SLC20A2: variants seen among roughly 807,000 people sequenced by gnomAD.
SLC20A2 encodes sodium-dependent phosphate transporter 2.
Under a neutral mutation model 61.0 loss-of-function variants are expected in SLC20A2, and 30 were observed. That is an observed-to-expected ratio of 0.49 (90% CI 0.37 to 0.67). The LOEUF (loss-of-function observed/expected upper bound fraction) is 0.67. Among genes scored for constraint, SLC20A2 ranks in the 30% least tolerant of loss-of-function variants. SLC20A2 has a pLI of 0.00. For synonymous variants in SLC20A2, 351 were observed against 353.3 expected (o/e 0.99, Z 0.07); for missense variants, 626 against 866.4 (o/e 0.72, Z 3.48).
At chr8:42,434,444 T>C (rs1311804339) in intron 8 of SLC20A2, among the ~76,000 whole-genome samples, 1 of 151,926 alleles carries the variant, frequency 6.6e-6, no homozygotes, top group Non-Finnish European at 1.5e-5. Flanking sequence ...CAGGCTGGAG[T>C]GCAGTGGCAT....
intron 6 of SLC20A2, among the ~76,000 whole-genome samples, chr8:42,440,266 T>C (rs533461260): frequency 2.0e-5 from 3 of 152,304 alleles, no homozygotes; most frequent in Admixed American, 6.5e-5. Context: ...CCAGCACTAA[T>C]GTTCTGTAAA....
In SLC20A2 at chr8:42,447,644, T is replaced by C. The variant is rs577870732; in HGVS notation, c.614-2882A>G. Among the ~76,000 whole-genome samples, 8 of 152,250 alleles carry C rather than the reference T, an allele frequency of 5.3e-5. No individual in the cohort carries two copies. The South Asian group carries it at 8.3e-4, about 16-fold the overall frequency. ...GTGAGCCAAGATCACGCCACTGCAC[T>C]CCAGCCTGGGCGACAGAGCGAGATT... On this transcript the variant is annotated intron_variant, in intron 5 of 10. Transcript: ENST00000520262.
intron 1 of SLC20A2, among the ~76,000 whole-genome samples, chr8:42,529,817 T>C (rs1329035443): frequency 6.6e-6 from 1 of 152,228 alleles, no homozygotes; most frequent in Non-Finnish European, 1.5e-5. Flanking sequence ...TCTCCCTGTC[T>C]ATGGGAATGC....
chr8:42,528,466 AAAAAAAGAAAAG>A lies in SLC20A2; in HGVS notation c.-265+13343_-265+13354del, dbSNP rs373577172. ...GACAAAGCGAGACTCCATCTCAAAAAAAAAAAGAAAAGAAAAAAGAATATGCATTTATAAAAC... is the reference window on the plus strand; with the variant it reads ...GACAAAGCGAGACTCCATCTCAAAAAAAAAAAGAATATGCATTTATAAAAC... On this transcript the variant is annotated intron_variant, in intron 1 of 10. Coordinates refer to the SLC20A2 transcript ENST00000342228. Among the ~76,000 whole-genome samples, 250 of 152,238 alleles carry A rather than the reference AAAAAAAGAAAAG, an allele frequency of 1.6e-3. 5 individuals carry two copies. The East Asian group carries it at 0.041, about 25-fold the overall frequency.
intron 1 of SLC20A2, among the ~76,000 whole-genome samples, chr8:42,479,428 T>C (rs28668701): frequency 0.033 from 4,977 of 152,124 alleles, 265 homozygotes; most frequent in African/African-American, 0.11. Context: ...GGGTAACTGT[T>C]ATGTTATCTG....
chr8:42,436,420 C>T (rs1337629848), intron 8 of SLC20A2, among the ~76,000 whole-genome samples: 1 of 152,184 alleles, frequency 6.6e-6, no homozygotes, highest in African/African-American at 2.4e-5. Flanking sequence ...CCGATCTTGG[C>T]AGCTGCCTCT....
intron 1 of SLC20A2, among the ~76,000 whole-genome samples, chr8:42,492,158 C>T (rs1343388115): frequency 1.3e-5 from 2 of 152,160 alleles, no homozygotes; most frequent in Non-Finnish European, 2.9e-5. Context: ...AGTTCGAGAC[C>T]AGCCTGGCCA....
chr8:42,530,372 T>C (rs535021520), intron 1 of SLC20A2, among the ~76,000 whole-genome samples: 1 of 152,286 alleles, frequency 6.6e-6, no homozygotes, highest in East Asian at 1.9e-4. Flanking sequence ...TATACTCAGG[T>C]TGGTATTAAA....
At chr8:42,536,802 A>G (rs2974338) in intron 1 of SLC20A2, among the ~76,000 whole-genome samples, 104,067 of 152,012 alleles carry the variant, frequency 0.68, 36,471 homozygotes, top group African/African-American at 0.84. Flanking sequence ...GGTTGGGCAC[A>G]GTGGTTCACA....
rs2293988 is a variant in SLC20A2, at chr8:42,472,407, C to A, written c.-17G>T. 6 of 1,601,304 alleles carry A rather than the reference C, an allele frequency of 3.7e-6. No homozygotes were observed. Among genetic ancestry groups the A allele is most frequent in the Non-Finnish European group, 5.1e-6 (6 of 1,172,562 alleles). On this transcript the variant is annotated 5_prime_UTR_variant, in exon 2 of 11. Coordinates refer to ENST00000520262, the MANE Select transcript of SLC20A2 (RefSeq NM_001257180.2). The surrounding 1 kb of genome is among the most constrained non-coding windows in gnomAD (Gnocchi z 4.1). ...CATGGCCATTTTGGAAAGTGGGTGC[C>A]GGGTACTTTTCTTTTGCAGGAATAT...
rs1810284902 is a variant in SLC20A2, at chr8:42,501,096, T to C, written c.-330A>G. 6.6e-6 allele frequency: 1 copy of C among 152,170 alleles called. No individual in the cohort carries two copies. Among genetic ancestry groups the C allele is most frequent in the Non-Finnish European group, 1.5e-5 (1 of 68,046 alleles). The allele number at this position is 152,170 out of a possible 1,614,324, so 9.4% of individuals were successfully genotyped here. A position where few individuals can be genotyped will look rare whatever the true frequency, so the allele number is the denominator to read the frequency against. ...ACTGCTCTCCTGATCACAAACACAATCTGAAGTCTAAAATAGATATCCTAC... is the reference window on the plus strand; with the variant it reads ...ACTGCTCTCCTGATCACAAACACAACCTGAAGTCTAAAATAGATATCCTAC... On this transcript the variant is annotated 5_prime_UTR_variant, in exon 1 of 11. Coordinates refer to ENST00000520262, the MANE Select transcript of SLC20A2 (RefSeq NM_001257180.2).
chr8:42,526,364 AAAAAG>A (rs1245684832), intron 1 of SLC20A2, among the ~76,000 whole-genome samples: 10 of 152,270 alleles, frequency 6.6e-5, no homozygotes, highest in African/African-American at 2.4e-4. Context: ...TTAAAAAAAA[AAAAAG>A]AAGTCTTAGA....
chr8:42,456,903 A>G (rs550045324), intron 5 of SLC20A2, among the ~76,000 whole-genome samples: 141 of 151,704 alleles, frequency 9.3e-4, no homozygotes, highest in Non-Finnish European at 1.8e-3. Flanking sequence ...TTTCTCTGTC[A>G]CTCACTTAAA....
intron 1 of SLC20A2, among the ~76,000 whole-genome samples, chr8:42,512,784 T>C (rs1021803757): frequency 6.6e-6 from 1 of 152,274 alleles, no homozygotes; most frequent in Non-Finnish European, 1.5e-5. Flanking sequence ...AATAAGCAGC[T>C]AGTTAGACAA....
intron 1 of SLC20A2, among the ~76,000 whole-genome samples, chr8:42,523,654 C>T (rs1811740170): frequency 6.6e-6 from 1 of 152,204 alleles, no homozygotes; most frequent in Non-Finnish European, 1.5e-5. Flanking sequence ...CCTTTAGGTT[C>T]ATCTCTGATA....
At chr8:42,480,529 T>A (rs1808478492) in intron 1 of SLC20A2, 1 of 152,232 alleles carries the variant, frequency 6.6e-6, no homozygotes, top group Admixed American at 6.5e-5. Context: ...ATGTAAAACA[T>A]AAAACACATT....
intron 1 of SLC20A2, among the ~76,000 whole-genome samples, chr8:42,527,101 C>T (rs1812014164): frequency 7.2e-6 from 1 of 139,718 alleles, no homozygotes; most frequent in Admixed American, 7.2e-5. Context: ...AAGAGCCTGT[C>T]TCAAAAAAAA....
chr8:42,427,172 G>A (rs1803471736), intron 10 of SLC20A2, among the ~76,000 whole-genome samples: 1 of 152,254 alleles, frequency 6.6e-6, no homozygotes, highest in Non-Finnish European at 1.5e-5. Flanking sequence ...AGCCTCAGCT[G>A]GGCTGCTCCC....
chr8:42,494,625 A>G (rs1248385238), intron 1 of SLC20A2, among the ~76,000 whole-genome samples: 6 of 152,210 alleles, frequency 3.9e-5, no homozygotes, highest in Admixed American at 2.0e-4. Context: ...ATCTAACGCC[A>G]TCATTTCAAA....
Sources: gnomAD v4.1 joint callset for allele counts (sites outside exome capture counted in the v4.1 genomes callset) on GRCh38, gnomAD v4.1.1 for gene constraint, Gnocchi (gnomAD v3.1) non-coding constraint, MANE v1.5 for transcripts, NCBI Gene and HGNC (gene_info 2026-07-23, HGNC 2026-07-21) for gene names.